WWOX: variants seen among roughly 807,000 people sequenced by gnomAD.
WWOX encodes the protein WW domain containing oxidoreductase.
In WWOX, 69 loss-of-function variants were observed where a neutral mutation model predicts 46.2. The observed-to-expected ratio is 1.49, with a 90% CI of 1.23 to 1.82. The LOEUF (loss-of-function observed/expected upper bound fraction) is 1.82, where lower values mean the gene tolerates loss of function less well. Ranked by LOEUF, WWOX falls within the 40% of genes most tolerant of loss-of-function variation. The probability of loss-of-function intolerance (pLI) is 0.00; values close to 1 mark genes in which losing one functional copy is unlikely to be tolerated. For missense variants in WWOX, 919 were observed against 542.6 expected (o/e 1.69, Z -6.89); for synonymous variants, 359 against 202.6 (o/e 1.77, Z -6.56).
At chr16:78,996,781 C>A (rs1209268777) in intron 8 of WWOX, among the ~76,000 whole-genome samples, 1 of 152,160 alleles carries the variant, frequency 6.6e-6, no homozygotes, top group Admixed American at 6.5e-5. Flanking sequence ...TTCCCACCTG[C>A]CTCGTATGGA....
intron 8 of WWOX, among the ~76,000 whole-genome samples, chr16:79,123,584 C>G (rs900513197): frequency 3.3e-5 from 5 of 152,044 alleles, no homozygotes; most frequent in South Asian, 2.1e-4. Flanking sequence ...CCAGAAGGGT[C>G]TCATCTAACA....
intron 8 of WWOX, among the ~76,000 whole-genome samples, chr16:79,132,340 T>C (rs1210866626): frequency 2.0e-5 from 3 of 152,214 alleles, no homozygotes; most frequent in African/African-American, 7.2e-5. Context: ...GGTCCCAGTA[T>C]TGGGACTTCC....
intron 8 of WWOX, among the ~76,000 whole-genome samples, chr16:78,570,499 G>A (rs2044688664): frequency 6.6e-6 from 1 of 151,916 alleles, no homozygotes; most frequent in South Asian, 2.1e-4. Flanking sequence ...TTCTTTTATA[G>A]AGATGCAGTA....
intron 8 of WWOX, among the ~76,000 whole-genome samples, chr16:79,139,328 G>C (rs2050043504): frequency 6.6e-6 from 1 of 152,202 alleles, no homozygotes; most frequent in South Asian, 2.1e-4. Flanking sequence ...CAAAGTGTTG[G>C]TGCCCCGTTG....
chr16:78,847,238 T>G (rs1167754315), intron 8 of WWOX, among the ~76,000 whole-genome samples: 1 of 152,220 alleles, frequency 6.6e-6, no homozygotes, highest in Non-Finnish European at 1.5e-5. Flanking sequence ...TGTCATTGCT[T>G]CTAGAACTTC....
intron 8 of WWOX, among the ~76,000 whole-genome samples, chr16:78,556,426 G>A (rs2044298483): frequency 6.6e-6 from 1 of 152,122 alleles, no homozygotes; most frequent in Admixed American, 6.5e-5. Context: ...TCAGAGCACG[G>A]GGAACGGTCA....
intron 5 of WWOX, among the ~76,000 whole-genome samples, chr16:78,371,893 G>C (rs1006259116): frequency 1.3e-5 from 2 of 152,114 alleles, no homozygotes; most frequent in Non-Finnish European, 2.9e-5. Context: ...AATATTTTCT[G>C]ATGTTTTAAT....
At chr16:78,226,531 C>T (rs1355836346) in intron 5 of WWOX, among the ~76,000 whole-genome samples, 2 of 131,464 alleles carry the variant, frequency 1.5e-5, no homozygotes, top group East Asian at 2.7e-4. Context: ...CTCTCCTTCT[C>T]CTCCTCCTCC....
intron 8 of WWOX, among the ~76,000 whole-genome samples, chr16:78,681,425 AT>A (rs918774515): frequency 4.0e-5 from 6 of 151,780 alleles, no homozygotes; most frequent in South Asian, 2.1e-4. Context: ...ACAAAGGTCA[AT>A]TTTTTTTCCA....
At chr16:78,121,621 T>G (rs2033096527) in intron 4 of WWOX, among the ~76,000 whole-genome samples, 1 of 152,086 alleles carries the variant, frequency 6.6e-6, no homozygotes, top group Non-Finnish European at 1.5e-5. Flanking sequence ...TAAAATAAAT[T>G]TGTAATCATG....
chr16:78,814,374 C>A (rs368052834), intron 8 of WWOX, among the ~76,000 whole-genome samples: 3 of 151,592 alleles, frequency 2.0e-5, no homozygotes, highest in East Asian at 3.9e-4. Flanking sequence ...AAATCATATT[C>A]AAAAAATACT....
At chr16:78,937,887 C>G (rs28540864) in intron 8 of WWOX, among the ~76,000 whole-genome samples, 6,657 of 152,184 alleles carry the variant, frequency 0.044, 469 homozygotes, top group African/African-American at 0.15. Flanking sequence ...TTCTCTCTCC[C>G]AAAGTGTTGG....
Position 78,103,638 on chromosome 16 carries a change from C to T in WWOX, c.107+3753C>T, listed in dbSNP as rs904572786. Among the ~76,000 whole-genome samples, 4 of 152,214 alleles carry T rather than the reference C, an allele frequency of 2.6e-5. No homozygotes were observed. The East Asian group carries it at 5.8e-4, about 22-fold the overall frequency. On this transcript the variant is annotated intron_variant, in intron 1 of 8. Transcript: ENST00000566780. ...CTTTTCTTTTCAGTTTTAATTTTTG[C>T]GCTGGCTCCAACCCCTTTTCATTCC...
At chr16:78,671,801 C>T (rs1466654371) in intron 8 of WWOX, among the ~76,000 whole-genome samples, 3 of 152,078 alleles carry the variant, frequency 2.0e-5, no homozygotes, top group Non-Finnish European at 4.4e-5. Context: ...ATTTGCCTTG[C>T]TAATAAAAAG....
chr16:78,266,788 T>TTCTCTCCCTCTCTCTCTCTC (rs2079370936), intron 5 of WWOX, among the ~76,000 whole-genome samples: 2 of 115,532 alleles, frequency 1.7e-5, no homozygotes, highest in Admixed American at 1.0e-4. Context: ...TATTCTTCTA[T>TTCTCTCCCTCTCTCTCTCTC]TCTCTCTCTC....
rs79198673 is a variant in WWOX, at chr16:78,423,663, C to T, written c.606-1207C>T. 4.0e-5 allele frequency among the ~76,000 whole-genome samples: 6 copies of T among 151,620 alleles called. No individual in the cohort carries two copies. In the South Asian group the frequency reaches 1.3e-3, roughly 32 times the overall value. On this transcript the variant is annotated intron_variant, in intron 6 of 8. Coordinates refer to ENST00000566780, the MANE Select transcript of WWOX (RefSeq NM_016373.4). Reference sequence around the variant, plus strand: ...ACCACCTTGGGCAACATAGGGGGAGCCCATCTCTACAAAAATAAAAAATAA... The same window carrying T: ...ACCACCTTGGGCAACATAGGGGGAGTCCATCTCTACAAAAATAAAAAATAA...
chr16:79,159,640 C>T (rs1318709573), intron 8 of WWOX, among the ~76,000 whole-genome samples: 3 of 152,196 alleles, frequency 2.0e-5, no homozygotes, highest in East Asian at 3.9e-4. Flanking sequence ...CTCCCCGTGT[C>T]CCCTTGCAGG....
At position 78,991,184 on chromosome 16, in the gene WWOX, T is replaced by A. The variant is rs141471081; in HGVS notation, c.1057-220424T>A. Reference sequence around the variant, plus strand: ...CCTTGTCAAAGTCAAAGAAGAAATTTGGAGAAATTCTCACCACTGTGCTTA... The same window carrying A: ...CCTTGTCAAAGTCAAAGAAGAAATTAGGAGAAATTCTCACCACTGTGCTTA... On this transcript the variant is annotated intron_variant, in intron 8 of 8. Coordinates refer to ENST00000566780, the MANE Select transcript of WWOX (RefSeq NM_016373.4). Among the ~76,000 whole-genome samples the A allele has an allele frequency of 7.7e-3, 1,168 of 152,296 alleles. 21 individuals are homozygous for A. The highest frequency in any genetic ancestry group is 0.027 in the African/African-American group (1,117 of 41,562).
intron 5 of WWOX, among the ~76,000 whole-genome samples, chr16:78,189,619 C>G (rs906440696): frequency 6.6e-6 from 1 of 152,058 alleles, no homozygotes; most frequent in South Asian, 2.1e-4. Context: ...AATAATGGCA[C>G]CTAAACAAAT....
Sources: gnomAD v4.1 joint callset for allele counts (sites outside exome capture counted in the v4.1 genomes callset) on GRCh38, gnomAD v4.1.1 for gene constraint, MANE v1.5 for transcripts, NCBI Gene and HGNC (gene_info 2026-07-23, HGNC 2026-07-21) for gene names.